Variants in PHYKPL observed in about 807,000 individuals in gnomAD.
PHYKPL encodes the protein 5-phosphohydroxy-L-lysine phospho-lyase.
A neutral mutation model predicts 51.3 loss-of-function variants in PHYKPL; 42 were observed. The ratio of observed to expected loss-of-function variants is 0.82; its 90% CI spans 0.64 to 1.06. The LOEUF (loss-of-function observed/expected upper bound fraction) is 1.06, where lower values mean the gene tolerates loss of function less well. PHYKPL is among the 50% of genes least tolerant of loss of function. PHYKPL has a pLI of 0.00. For synonymous variants in PHYKPL, 264 were observed against 236.0 expected (o/e 1.12, Z -1.09); for missense variants, 655 against 586.6 (o/e 1.12, Z -1.20).
intron 8 of PHYKPL, among the ~76,000 whole-genome samples, chr5:178,222,090 C>A (rs2113876046): frequency 6.6e-6 from 1 of 152,362 alleles, no homozygotes; most frequent in South Asian, 2.1e-4. Flanking sequence ...TGGGTGGCAT[C>A]TGCTGAAAGG....
chr5:178,231,317 A>G lies in PHYKPL; in HGVS notation c.178+88T>C, dbSNP rs112389240. On this transcript the variant is annotated intron_variant, in intron 2 of 12. Coordinates refer to ENST00000308158, the MANE Select transcript of PHYKPL (RefSeq NM_153373.4). ...CCTCAACTCCACCCAGGTTCTCCAC[A>G]CCTCTCGGCAATCTCAGGTCACCTT... 9.8e-5 allele frequency: 156 copies of G among 1,599,092 alleles called. 3 individuals are homozygous for G. The Admixed American group carries it at 2.5e-3, about 25-fold the overall frequency.
At position 178,215,383 on chromosome 5, in the gene PHYKPL, A is replaced by T. The variant is rs975134866; in HGVS notation, c.975T>A (p.Asn325Lys). The T allele has an allele frequency of 6.2e-7, 1 of 1,613,980 alleles. No individual in the cohort carries two copies. Among genetic ancestry groups the T allele is most frequent in the South Asian group, 1.1e-5 (1 of 91,062 alleles). Residue 325 changes from asparagine to lysine, a missense_variant, in exon 9 of 13, where the codon AAT becomes AAA. Asn to Lys is a moderately conservative substitution (Grantham distance 94, BLOSUM62 0). Transcript: ENST00000308158. ...CCTGGAGCTGCTCCTTCTCCAAGAC[A>T]TTCAGGACGGCCAGCCCCACAGCGC... The part of the protein sequence containing the change: ...VSCAVGLAVL[N>K]VLEKEQLQDH...
In PHYKPL at chr5:178,230,086, G is replaced by A; in HGVS notation, c.192C>T (p.His64=). ...CATGTGCTGCTTGGACCACGAGAGG[G>A]TGGCAGTGCCCAACTGGAAGAGGGC... ...ISNVAHVGHC[H]PLVVQAAHEQ... Residue 64 remains histidine, a synonymous_variant, in exon 3 of 13, where the codon CAC becomes CAT. Coordinates refer to ENST00000308158, the MANE Select transcript of PHYKPL (RefSeq NM_153373.4). 1.2e-6 allele frequency: 2 copies of A among 1,614,012 alleles called. No homozygotes were observed. Among genetic ancestry groups the A allele is most frequent in the Non-Finnish European group, 1.7e-6 (2 of 1,180,016 alleles).
chr5:178,227,088 T>C (rs1762449703), intron 3 of PHYKPL, among the ~76,000 whole-genome samples: 1 of 151,692 alleles, frequency 6.6e-6, no homozygotes, highest in Non-Finnish European at 1.5e-5. Context: ...AATTTATGTG[T>C]TGAACCCCTA....
chr5:178,211,220 CG>C (rs56204741), intron 12 of PHYKPL: 36,944 of 140,116 alleles, frequency 0.26, 4,728 homozygotes, highest in Admixed American at 0.37. Flanking sequence ...TCGAGGGAGG[CG>C]GGGGGGGGGT....
Position 178,232,006 on chromosome 5 carries a change from C to T in PHYKPL, c.60-483G>A, listed in dbSNP as rs1273905148. Reference sequence around the variant, plus strand: ...AGTGGGAGGCGACCTCACCCACCGTCCCACCGAGGGCCCCCTCACAGGTCA... The same window carrying T: ...AGTGGGAGGCGACCTCACCCACCGTTCCACCGAGGGCCCCCTCACAGGTCA... On this transcript the variant is annotated intron_variant, in intron 1 of 12. Transcript: ENST00000308158. 13 of 1,203,314 alleles carry T rather than the reference C, an allele frequency of 1.1e-5. No homozygotes were observed. The East Asian group carries it at 7.4e-4, about 69-fold the overall frequency. 74.5% of individuals were successfully genotyped at this position (1,203,314 alleles called of 1,614,324 possible). A position where few individuals can be genotyped will look rare whatever the true frequency, so the allele number is the denominator to read the frequency against.
intron 12 of PHYKPL, 144 bp downstream of exon 12, chr5:178,211,746 G>A: frequency 3.2e-6 from 2 of 617,420 alleles, no homozygotes; most frequent in Non-Finnish European, 5.7e-6. Flanking sequence ...AATTTCCAGT[G>A]TTGAAGAAAC....
At chr5:178,221,619 C>T (rs895606968) in intron 8 of PHYKPL, among the ~76,000 whole-genome samples, 3 of 152,146 alleles carry the variant, frequency 2.0e-5, no homozygotes, top group Admixed American at 6.5e-5. Context: ...GTTTTAGTCC[C>T]CAATTCAAAC....
At chr5:178,215,676 T>G (rs1160325035) in intron 8 of PHYKPL, 1 of 506,716 alleles carries the variant, frequency 2.0e-6, no homozygotes, top group Non-Finnish European at 3.5e-6. Context: ...TAGGAGCCCC[T>G]AGAAGATACA....
intron 8 of PHYKPL, among the ~76,000 whole-genome samples, chr5:178,217,723 T>C (rs1286067160): frequency 6.6e-6 from 1 of 150,518 alleles, no homozygotes; most frequent in African/African-American, 2.4e-5. Flanking sequence ...CTGGGCATCA[T>C]GGCGGGCGCC....
chr5:178,221,688 T>C (rs545981911), intron 8 of PHYKPL, among the ~76,000 whole-genome samples: 3 of 152,298 alleles, frequency 2.0e-5, no homozygotes, highest in Admixed American at 2.0e-4. Flanking sequence ...CCCTTCCTCC[T>C]CTGGGCCTCC....
rs528345943 is a variant in PHYKPL at position 178,211,984 on chromosome 5, C to T, written c.1304-14G>A. ...TCTCTTCCATGTCTGAAAAAGACCACAAAGCAATGCCGACTCAGTCACCTT... is the reference window on the plus strand; with the variant it reads ...TCTCTTCCATGTCTGAAAAAGACCATAAAGCAATGCCGACTCAGTCACCTT... On this transcript the variant is annotated splice_polypyrimidine_tract_variant and intron_variant, in intron 11 of 12. Transcript: ENST00000308158. 2.5e-6 allele frequency: 4 copies of T among 1,614,122 alleles called. No individual in the cohort carries two copies. In the East Asian group the frequency reaches 6.7e-5, roughly 27 times the overall value.
At chr5:178,210,436 GA>G in intron 12 of PHYKPL, 4 of 1,510,144 alleles carry the variant, frequency 2.6e-6, no homozygotes, top group Non-Finnish European at 2.7e-6. Context: ...TTAATAACAT[GA>G]GGAAGGCAGT....
chr5:178,222,919 C>T lies in PHYKPL; in HGVS notation c.634G>A (p.Ala212Thr), dbSNP rs142142484. 670 of 1,614,078 alleles carry T rather than the reference C, an allele frequency of 4.2e-4. 5 individuals are homozygous for T. In the African/African-American group the frequency reaches 7.1e-3, roughly 17 times the overall value. Residue 212 changes from alanine (A) to threonine (T), a missense_variant, in exon 7 of 13, where the codon GCT becomes ACT. Ala to Thr is a moderately conservative substitution (Grantham distance 58, BLOSUM62 0). Coordinates refer to ENST00000308158, the MANE Select transcript of PHYKPL (RefSeq NM_153373.4). The stretch of plus-strand genomic sequence containing the variant: ...CCTCCCACACTGGGCAGAGACTCAG[C>T]GAAGAAGGCTGCAATCTGTGAAGAG... Reference protein sequence around the residue: ...EKGRKIAAFFAESLPSVGGQI... With the variant: ...EKGRKIAAFFTESLPSVGGQI...
chr5:178,232,018 C>A (rs965404070), intron 1 of PHYKPL: 30 of 1,202,400 alleles, frequency 2.5e-5, no homozygotes, highest in Non-Finnish European at 3.2e-5. Flanking sequence ...CACCGAGGGC[C>A]CCCTCACAGG....
At chr5:178,216,438 G>A (rs1759809229) in intron 8 of PHYKPL, 1 of 152,168 alleles carries the variant, frequency 6.6e-6, no homozygotes, top group South Asian at 2.1e-4. Context: ...GAGATCTAAT[G>A]GTTAGAGGAC....
At chr5:178,225,081 C>G (rs1298907270) in intron 4 of PHYKPL, 6 of 568,042 alleles carry the variant, frequency 1.1e-5, no homozygotes, top group Non-Finnish European at 1.9e-5. Flanking sequence ...GGAGCTACTG[C>G]TGGAGTAGTT....
chr5:178,228,513 T>G (rs1303205048), intron 3 of PHYKPL: 1 of 702,392 alleles, frequency 1.4e-6, no homozygotes, highest in Non-Finnish European at 2.6e-6. Flanking sequence ...AGCTCCCTTC[T>G]CTTTCCAGAG....
chr5:178,231,293 C>T (rs987798811), intron 2 of PHYKPL, 112 bp downstream of exon 2: 1 of 1,552,768 alleles, frequency 6.4e-7, no homozygotes, highest in Non-Finnish European at 8.8e-7. Context: ...CTGACAGTGC[C>T]TCAACTCCAC....
Sources: allele counts gnomAD v4.1 joint callset (sites outside exome capture counted in the v4.1 genomes callset), GRCh38; gene constraint gnomAD v4.1.1; transcripts MANE v1.5; gene names NCBI Gene and HGNC (gene_info 2026-07-23, HGNC 2026-07-21).